Variants in RBFOX1 observed in about 807,000 individuals in gnomAD.
RBFOX1 encodes the protein RNA binding fox-1 homolog 1.
Under a neutral mutation model 57.7 loss-of-function variants are expected in RBFOX1, and 8 were observed. That is an observed-to-expected ratio of 0.14 (90% CI 0.08 to 0.25). RBFOX1 has a LOEUF of 0.25. Ranked by LOEUF, RBFOX1 falls within the 10% of genes least tolerant of loss-of-function variation. RBFOX1 has a pLI of 1.00. For synonymous variants in RBFOX1, 326 were observed against 222.4 expected, an observed-to-expected ratio of 1.47 and a Z score of -4.15; for missense variants, 611 against 548.5, an observed-to-expected ratio of 1.11 and a Z score of -1.14.
At chr16:5,367,713 A>G (rs1441222826) in intron 1 of RBFOX1, among the ~76,000 whole-genome samples, 4 of 152,184 alleles carry the variant, frequency 2.6e-5, no homozygotes, top group Non-Finnish European at 4.4e-5. Context: ...AACTGCGCTA[A>G]AAGGTAGAGG....
intron 4 of RBFOX1, among the ~76,000 whole-genome samples, chr16:7,108,572 G>T (rs1216986065): frequency 6.6e-6 from 1 of 152,110 alleles, no homozygotes; most frequent in Admixed American, 6.6e-5. Flanking sequence ...GTAATTGTTT[G>T]TGTTTGCGTA....
chr16:6,615,005 T>G (rs1230456069), intron 2 of RBFOX1, among the ~76,000 whole-genome samples: 1 of 152,210 alleles, frequency 6.6e-6, no homozygotes, highest in Non-Finnish European at 1.5e-5. Context: ...GGGCATTATT[T>G]ATTAAGAGAA....
chr16:5,792,733 C>G (rs909219990), intron 3 of RBFOX1, among the ~76,000 whole-genome samples: 1 of 152,224 alleles, frequency 6.6e-6, no homozygotes, highest in African/African-American at 2.4e-5. Context: ...ATCCCAGCTA[C>G]TCAGGAGGCT....
At position 7,648,944 on chromosome 16, in the gene RBFOX1, G is replaced by A. The variant is rs190601212; in HGVS notation, c.758-4871G>A. 2.2e-3 allele frequency among the ~76,000 whole-genome samples: 334 copies of A among 152,190 alleles called. 3 individuals are homozygous for A. The highest frequency in any genetic ancestry group is 7.7e-3 in the African/African-American group (320 of 41,542). On this transcript the variant is annotated intron_variant, in intron 11 of 15. Coordinates refer to ENST00000550418, the MANE Select transcript of RBFOX1 (RefSeq NM_018723.4). ...TACTTTTTCCGAGACAGTGAAAAAC[G>A]TACAAGGGTAGAAGTGGAAATTATC... is the stretch of plus-strand genomic sequence containing the variant.
intron 1 of RBFOX1, among the ~76,000 whole-genome samples, chr16:5,399,419 G>A (rs1328490409): frequency 6.6e-6 from 1 of 152,104 alleles, no homozygotes; most frequent in Non-Finnish European, 1.5e-5. Context: ...AGAAAATTTG[G>A]GAAATGGAAA....
intron 3 of RBFOX1, among the ~76,000 whole-genome samples, chr16:7,021,649 A>C (rs868312267): frequency 2.5e-4 from 37 of 147,908 alleles, no homozygotes; most frequent in South Asian, 4.2e-4. Context: ...ATTTTATTAA[A>C]ATTTTTATTT....
intron 2 of RBFOX1, among the ~76,000 whole-genome samples, chr16:5,527,440 G>A (rs1202077747): frequency 6.6e-6 from 1 of 152,166 alleles, no homozygotes. Flanking sequence ...TATTGAGGAT[G>A]GCATTGGAAA....
intron 4 of RBFOX1, among the ~76,000 whole-genome samples, chr16:7,318,478 A>G (rs140657426): frequency 8.5e-5 from 13 of 152,140 alleles, no homozygotes; most frequent in African/African-American, 3.1e-4. Flanking sequence ...ACCACTTACC[A>G]CCTTTGCACC....
intron 1 of RBFOX1, among the ~76,000 whole-genome samples, chr16:5,403,652 G>A (rs1425912156): frequency 2.6e-5 from 4 of 152,092 alleles, no homozygotes; most frequent in Non-Finnish European, 5.9e-5. Flanking sequence ...CGCCATGTTG[G>A]CCAGGCTGGT....
At chr16:6,731,462 T>C (rs543606856) in intron 3 of RBFOX1, among the ~76,000 whole-genome samples, 11 of 152,316 alleles carry the variant, frequency 7.2e-5, no homozygotes, top group African/African-American at 2.2e-4. Flanking sequence ...TGCCATCTTT[T>C]TGTGCTCTTG....
intron 2 of RBFOX1, among the ~76,000 whole-genome samples, chr16:5,476,838 C>G (rs530565973): frequency 6.6e-6 from 1 of 152,150 alleles, no homozygotes; most frequent in South Asian, 2.1e-4. Context: ...TAGAGTCTTG[C>G]GTCTTCCAGG....
chr16:7,548,951 A>G (rs758281079), intron 5 of RBFOX1, among the ~76,000 whole-genome samples: 2 of 152,222 alleles, frequency 1.3e-5, no homozygotes, highest in African/African-American at 2.4e-5. Flanking sequence ...ACCAAGGAAA[A>G]GCCACCATCC....
chr16:6,478,786 T>C (rs2095325289), intron 2 of RBFOX1, among the ~76,000 whole-genome samples: 1 of 152,058 alleles, frequency 6.6e-6, no homozygotes, highest in Admixed American at 6.5e-5. Flanking sequence ...ACACAATCTT[T>C]ATCAATTAAG....
At chr16:6,733,576 G>A (rs2069229750) in intron 3 of RBFOX1, among the ~76,000 whole-genome samples, 1 of 152,146 alleles carries the variant, frequency 6.6e-6, no homozygotes, top group Non-Finnish European at 1.5e-5. Flanking sequence ...GTTGTAGCCT[G>A]CAGTAGTTAA....
At chr16:5,386,974 C>A (rs2066275961) in intron 1 of RBFOX1, among the ~76,000 whole-genome samples, 1 of 152,204 alleles carries the variant, frequency 6.6e-6, no homozygotes, top group Non-Finnish European at 1.5e-5. Context: ...TCTCTTGAAC[C>A]CAGGAGGCGG....
intron 3 of RBFOX1, among the ~76,000 whole-genome samples, chr16:6,906,789 T>A (rs1298707022): frequency 6.6e-6 from 1 of 151,724 alleles, no homozygotes; most frequent in East Asian, 1.9e-4. Flanking sequence ...GTGGTGAAAT[T>A]TCAGCTCACT....
At chr16:7,391,405 C>G (rs1016632333) in intron 4 of RBFOX1, among the ~76,000 whole-genome samples, 1 of 152,220 alleles carries the variant, frequency 6.6e-6, no homozygotes, top group Non-Finnish European at 1.5e-5. Context: ...ACCTGCCTCC[C>G]TCTGCTCTTC....
chr16:7,496,421 G>C (rs1037892032), intron 4 of RBFOX1, among the ~76,000 whole-genome samples: 3 of 152,162 alleles, frequency 2.0e-5, no homozygotes, highest in African/African-American at 7.2e-5. Context: ...GGGATTAGAG[G>C]GGTGAGCCAC....
At chr16:7,112,842 G>A (rs1388309097) in intron 4 of RBFOX1, among the ~76,000 whole-genome samples, 1 of 152,064 alleles carries the variant, frequency 6.6e-6, no homozygotes, top group African/African-American at 2.4e-5. Flanking sequence ...TGGGTAACAG[G>A]AATATTAGTA....
Sources: gnomAD v4.1 joint callset for allele counts (sites outside exome capture counted in the v4.1 genomes callset) on GRCh38, gnomAD v4.1.1 for gene constraint, MANE v1.5 for transcripts, NCBI Gene and HGNC (gene_info 2026-07-23, HGNC 2026-07-21) for gene names.